Variants in NKAIN2 observed in about 807,000 individuals in gnomAD.
The protein encoded by NKAIN2 is sodium/potassium-transporting ATPase subunit beta-1-interacting protein 2.
NKAIN2 carries 14 observed loss-of-function variants against 32.6 expected under a neutral mutation model. That is an observed-to-expected ratio of 0.43 (90% CI 0.28 to 0.67). NKAIN2 has a LOEUF of 0.67. Among genes scored for constraint, NKAIN2 ranks in the 30% least tolerant of loss-of-function variants. The probability of loss-of-function intolerance (pLI) is 0.17; values close to 1 mark genes in which losing one functional copy is unlikely to be tolerated. For missense variants in NKAIN2, 198 were observed against 258.3 expected, an observed-to-expected ratio of 0.77 and a Z score of 1.60; for synonymous variants, 80 against 87.2, an observed-to-expected ratio of 0.92 and a Z score of 0.46.
intron 2 of NKAIN2, among the ~76,000 whole-genome samples, chr6:124,348,004 T>G (rs1314561739): frequency 6.6e-6 from 1 of 152,170 alleles, no homozygotes; most frequent in Admixed American, 6.5e-5. Context: ...GATGTACAGA[T>G]GGGTTTTTGG....
chr6:124,746,314 T>A (rs1777448928), intron 4 of NKAIN2, among the ~76,000 whole-genome samples: 1 of 151,904 alleles, frequency 6.6e-6, no homozygotes, highest in Non-Finnish European at 1.5e-5. Flanking sequence ...AGGAACATTT[T>A]AAATCACTGA....
At chr6:123,836,121 A>C (rs1413361193) in intron 1 of NKAIN2, among the ~76,000 whole-genome samples, 2 of 152,130 alleles carry the variant, frequency 1.3e-5, no homozygotes, top group Non-Finnish European at 2.9e-5. Context: ...ATCAAATAAC[A>C]AATGGTGGAG....
At chr6:124,451,002 AT>A (rs941281008) in intron 3 of NKAIN2, among the ~76,000 whole-genome samples, 3 of 152,168 alleles carry the variant, frequency 2.0e-5, no homozygotes, top group South Asian at 2.1e-4. Flanking sequence ...AATGCAAAAA[AT>A]ATGACTAAAA....
intron 3 of NKAIN2, among the ~76,000 whole-genome samples, chr6:124,492,842 C>T (rs909615366): frequency 6.6e-6 from 1 of 151,864 alleles, no homozygotes; most frequent in Admixed American, 6.6e-5. Flanking sequence ...AACAAACATA[C>T]TGAAAATTTT....
At chr6:124,315,195 G>T (rs1796895148) in intron 2 of NKAIN2, among the ~76,000 whole-genome samples, 2 of 151,776 alleles carry the variant, frequency 1.3e-5, no homozygotes, top group African/African-American at 4.8e-5. Flanking sequence ...AAGATCTTTG[G>T]TGCATCCCAG....
chr6:124,372,173 A>G (rs1799798928), intron 3 of NKAIN2, among the ~76,000 whole-genome samples: 1 of 152,186 alleles, frequency 6.6e-6, no homozygotes, highest in African/African-American at 2.4e-5. Flanking sequence ...TATACAAAGT[A>G]TTATTAATGA....
chr6:124,670,645 CTGTGTGTGTGTGTGTG>C (rs57300688), intron 4 of NKAIN2, among the ~76,000 whole-genome samples: 1 of 123,796 alleles, frequency 8.1e-6, no homozygotes, highest in African/African-American at 2.7e-5. Context: ...TCTTTGCTTT[CTGTGTGTGTGTGTGTG>C]TGTGTGTGTG....
chr6:124,355,055 G>A (rs1452041560), intron 2 of NKAIN2, among the ~76,000 whole-genome samples: 3 of 146,300 alleles, frequency 2.1e-5, no homozygotes, highest in Non-Finnish European at 4.5e-5. Context: ...GGGCAACAGA[G>A]TGCGACTTTG....
chr6:123,960,589 G>A (rs1057044533), intron 1 of NKAIN2, among the ~76,000 whole-genome samples: 7 of 151,814 alleles, frequency 4.6e-5, no homozygotes, highest in East Asian at 1.9e-4. Context: ...TCCTAAGATG[G>A]CCTTTTCAAT....
chr6:124,517,234 A>G (rs746203922), intron 3 of NKAIN2, among the ~76,000 whole-genome samples: 1 of 152,312 alleles, frequency 6.6e-6, no homozygotes, highest in African/African-American at 2.4e-5. Flanking sequence ...ATCTTGTTAT[A>G]TCCTCGGAAA....
intron 1 of NKAIN2, among the ~76,000 whole-genome samples, chr6:124,275,747 T>G (rs746987884): frequency 4.6e-5 from 7 of 152,122 alleles, no homozygotes; most frequent in Non-Finnish European, 8.8e-5. Flanking sequence ...CATCTCTAAC[T>G]GAAATAGTCT....
At chr6:123,908,954 C>T (rs1012729612) in intron 1 of NKAIN2, among the ~76,000 whole-genome samples, 7 of 152,160 alleles carry the variant, frequency 4.6e-5, no homozygotes, top group African/African-American at 1.7e-4. Flanking sequence ...ACACTCTCTA[C>T]CATTGTTGTG....
At chr6:124,122,350 C>G (rs1785924602) in intron 1 of NKAIN2, among the ~76,000 whole-genome samples, 1 of 152,034 alleles carries the variant, frequency 6.6e-6, no homozygotes, top group South Asian at 2.1e-4. Flanking sequence ...GGTAGATAAG[C>G]AAGCATATGT....
intron 1 of NKAIN2, among the ~76,000 whole-genome samples, chr6:124,007,654 G>A (rs1370812360): frequency 6.6e-6 from 1 of 152,086 alleles, no homozygotes; most frequent in African/African-American, 2.4e-5. Flanking sequence ...GTACAGTGGG[G>A]TGCTAGACCT....
chr6:124,079,196 T>C (rs1236475391), intron 1 of NKAIN2, among the ~76,000 whole-genome samples: 1 of 152,112 alleles, frequency 6.6e-6, no homozygotes, highest in Non-Finnish European at 1.5e-5. Flanking sequence ...CACATGCCTG[T>C]AATCCCAGCT....
chr6:124,791,145 A>G (rs1450877544), intron 4 of NKAIN2, among the ~76,000 whole-genome samples, 194 bp from the exon 5 acceptor site: 1 of 152,138 alleles, frequency 6.6e-6, no homozygotes, highest in Non-Finnish European at 1.5e-5. Flanking sequence ...ACAGAGTAAT[A>G]TATGTATTTA....
At chr6:124,305,172 T>C (rs1750566463) in intron 2 of NKAIN2, among the ~76,000 whole-genome samples, 1 of 152,106 alleles carries the variant, frequency 6.6e-6, no homozygotes, top group African/African-American at 2.4e-5. Flanking sequence ...TATTTAAATA[T>C]TTAGAGAGAT....
chr6:124,694,740 A>T (rs979046715), intron 4 of NKAIN2, among the ~76,000 whole-genome samples: 1 of 152,160 alleles, frequency 6.6e-6, no homozygotes, highest in South Asian at 2.1e-4. Flanking sequence ...GCTGGAAGCC[A>T]TAGTTTAATC....
intron 1 of NKAIN2, among the ~76,000 whole-genome samples, chr6:124,018,856 A>G (rs1178664533): frequency 6.6e-6 from 1 of 152,158 alleles, no homozygotes; most frequent in East Asian, 1.9e-4. Flanking sequence ...GTGTTTTTAC[A>G]GCAGTACCCC....
Sources: allele counts gnomAD v4.1 joint callset (sites outside exome capture counted in the v4.1 genomes callset), GRCh38; gene constraint gnomAD v4.1.1; transcripts MANE v1.5; gene names NCBI Gene and HGNC (gene_info 2026-07-23, HGNC 2026-07-21).